The following CLASP1 variants were observed in gnomAD, a reference collection of about 807,000 sequenced individuals.
CLASP1 encodes CLIP-associating protein 1.
Under a neutral mutation model 192.3 loss-of-function variants are expected in CLASP1, and 38 were observed. The ratio of observed to expected loss-of-function variants is 0.20; its 90% CI spans 0.15 to 0.26. CLASP1 has a LOEUF of 0.26. Among genes scored for constraint, CLASP1 ranks in the 10% least tolerant of loss-of-function variants. The probability of loss-of-function intolerance (pLI) is 1.00; values close to 1 mark genes in which losing one functional copy is unlikely to be tolerated. For missense variants in CLASP1, 1,433 were observed against 1,932.5 expected, an observed-to-expected ratio of 0.74 and a Z score of 4.85; for synonymous variants, 691 against 712.8, an observed-to-expected ratio of 0.97 and a Z score of 0.49.
chr2:121,585,419 A>G (rs2061605546), intron 2 of CLASP1, among the ~76,000 whole-genome samples: 1 of 152,224 alleles, frequency 6.6e-6, no homozygotes, highest in African/African-American at 2.4e-5. Context: ...TACAGAAAGC[A>G]ACTGCGAAGT....
At chr2:121,367,736 T>A (rs2067709969) in exon 35 of CLASP1, 1 of 1,613,782 alleles carries the variant, frequency 6.2e-7, no homozygotes, top group African/African-American at 1.3e-5. Context: ...TGTTGAGTAG[T>A]GAGGTCTTGT....
chr2:121,360,651 A>T (rs1433548563), intron 37 of CLASP1, among the ~76,000 whole-genome samples: 1 of 152,070 alleles, frequency 6.6e-6, no homozygotes, highest in Non-Finnish European at 1.5e-5. Flanking sequence ...CTCAAACCTA[A>T]ATACACAGGT....
At chr2:121,506,079 A>G (rs2093940319) in intron 7 of CLASP1, among the ~76,000 whole-genome samples, 2 of 152,196 alleles carry the variant, frequency 1.3e-5, no homozygotes, top group African/African-American at 2.4e-5. Flanking sequence ...ATAAGAGAAA[A>G]TATTGTGATC....
chr2:121,608,828 A>G (rs962635744), intron 1 of CLASP1, among the ~76,000 whole-genome samples: 1 of 152,206 alleles, frequency 6.6e-6, no homozygotes, highest in African/African-American at 2.4e-5. Flanking sequence ...AAAATTTCAT[A>G]GCGTTTACTC....
intron 1 of CLASP1, among the ~76,000 whole-genome samples, chr2:121,638,192 C>T (rs924516872): frequency 6.6e-5 from 10 of 151,332 alleles, no homozygotes; most frequent in African/African-American, 2.2e-4. Flanking sequence ...TACAAATGAC[C>T]GATAAACACA....
At chr2:121,337,828 TC>T (rs1025233787) in exon 40 of CLASP1, 2 of 152,090 alleles carry the variant, frequency 1.3e-5, no homozygotes, top group African/African-American at 2.4e-5. Flanking sequence ...TTTTTTTTTT[TC>T]TTTTTTAGCA....
chr2:121,460,916 G>T (rs1343594847), intron 11 of CLASP1, among the ~76,000 whole-genome samples, 185 bp downstream of exon 11: 1 of 152,088 alleles, frequency 6.6e-6, no homozygotes. Flanking sequence ...GTGTAAGTTG[G>T]TGTGTTTTCA....
intron 2 of CLASP1, among the ~76,000 whole-genome samples, chr2:121,568,690 T>C (rs1485321433): frequency 6.6e-6 from 1 of 152,076 alleles, no homozygotes; most frequent in South Asian, 2.1e-4. Context: ...CTCTAGAGTT[T>C]GGCTTTTCTT....
chr2:121,565,667 T>C (rs2059436504), intron 2 of CLASP1, among the ~76,000 whole-genome samples: 2 of 152,152 alleles, frequency 1.3e-5, no homozygotes, highest in African/African-American at 4.8e-5. Context: ...TGCCCCATAC[T>C]GTGAGCCCAG....
intron 8 of CLASP1, among the ~76,000 whole-genome samples, chr2:121,495,328 C>CATAAATAAATAAATGA (rs140680719): frequency 0.3 from 44,560 of 150,492 alleles, 10,410 homozygotes; most frequent in African/African-American, 0.65. Flanking sequence ...GTCTCTAAAA[C>CATAAATAAATAAATGA]ATAAATAAAT....
chr2:121,415,956 AC>A (rs1163084666), intron 23 of CLASP1, among the ~76,000 whole-genome samples: 1 of 152,230 alleles, frequency 6.6e-6, no homozygotes, highest in East Asian at 1.9e-4. Flanking sequence ...CTCAAGATTC[AC>A]AAAAATTAAA....
chr2:121,447,226 C>A (rs2084525298), intron 19 of CLASP1, 111 bp downstream of exon 19: 2 of 994,766 alleles, frequency 2.0e-6, no homozygotes, highest in African/African-American at 3.3e-5. Context: ...TAAATAGTAG[C>A]CCCACAACAG....
At chr2:121,404,772 T>TA (rs1207771816) in intron 25 of CLASP1, among the ~76,000 whole-genome samples, 1 of 152,216 alleles carries the variant, frequency 6.6e-6, no homozygotes, top group Non-Finnish European at 1.5e-5. Context: ...ATGAGGAAAC[T>TA]AAGACTGAGT....
chr2:121,366,091 A>G (rs532680538), intron 35 of CLASP1, among the ~76,000 whole-genome samples: 14 of 152,226 alleles, frequency 9.2e-5, no homozygotes, highest in Non-Finnish European at 1.3e-4. Flanking sequence ...AACACACAAG[A>G]AAGTCTGAAA....
At chr2:121,408,938 AT>A in intron 24 of CLASP1, 1 of 1,057,940 alleles carries the variant, frequency 9.5e-7, no homozygotes, top group Non-Finnish European at 1.4e-6. Flanking sequence ...TCTATACTAC[AT>A]TTTTTGGTTT....
exon 24 of CLASP1, chr2:121,410,908 C>G (rs377667563): frequency 6.2e-7 from 1 of 1,612,394 alleles, no homozygotes; most frequent in Admixed American, 1.7e-5. Flanking sequence ...TACTTGTGCT[C>G]AGAACTCTCA....
At chr2:121,495,614 T>C (rs2093500182) in intron 8 of CLASP1, among the ~76,000 whole-genome samples, 1 of 152,074 alleles carries the variant, frequency 6.6e-6, no homozygotes, top group Non-Finnish European at 1.5e-5. Flanking sequence ...TGAGCCGAGA[T>C]CATGCCATTG....
chr2:121,404,668 G>T (rs1018614645), intron 25 of CLASP1, among the ~76,000 whole-genome samples: 2 of 151,946 alleles, frequency 1.3e-5, no homozygotes, highest in Admixed American at 1.3e-4. Flanking sequence ...TACATAATTC[G>T]TATCTACATA....
intron 2 of CLASP1, among the ~76,000 whole-genome samples, chr2:121,555,091 G>T (rs1309125790): frequency 6.6e-6 from 1 of 152,228 alleles, no homozygotes; most frequent in African/African-American, 2.4e-5. Flanking sequence ...GGTCTGTGCA[G>T]ACCCAGAGTC....
Sources: gnomAD v4.1 joint callset for allele counts (sites outside exome capture counted in the v4.1 genomes callset) on GRCh38, gnomAD v4.1.1 for gene constraint, MANE v1.5 for transcripts, NCBI Gene and HGNC (gene_info 2026-07-23, HGNC 2026-07-21) for gene names.